Variants in GNS observed in about 807,000 individuals in gnomAD.
GNS encodes N-acetylglucosamine-6-sulfatase.
A neutral mutation model predicts 69.7 loss-of-function variants in GNS; 40 were observed. The ratio of observed to expected loss-of-function variants is 0.57; its 90% CI spans 0.45 to 0.75. The LOEUF (loss-of-function observed/expected upper bound fraction) is 0.75, where lower values mean the gene tolerates loss of function less well. GNS is among the 30% of genes least tolerant of loss of function. The pLI is 0.00. For synonymous variants in GNS, 243 were observed against 251.6 expected (o/e 0.97, Z 0.32); for missense variants, 565 against 685.5 (o/e 0.82, Z 1.96).
intron 2 of GNS, among the ~76,000 whole-genome samples, chr12:64,751,231 T>G (rs1870068032): frequency 1.3e-5 from 2 of 152,256 alleles, no homozygotes; most frequent in South Asian, 4.1e-4. Context: ...TGAGATATTT[T>G]GTCTCCCGCC....
At chr12:64,731,027 G>T (rs1230662050) in intron 9 of GNS, among the ~76,000 whole-genome samples, 1 of 152,218 alleles carries the variant, frequency 6.6e-6, no homozygotes, top group East Asian at 1.9e-4. Context: ...GCCACCACCT[G>T]TATAATGGGA....
intron 8 of GNS, 84 bp from the exon 9 acceptor site, chr12:64,737,191 A>C (rs1190299186): frequency 2.5e-6 from 2 of 803,916 alleles, no homozygotes; most frequent in Admixed American, 1.8e-5. Flanking sequence ...ATCCACAGCC[A>C]AAACTAAAAC....
intron 9 of GNS, among the ~76,000 whole-genome samples, chr12:64,730,907 G>GT (rs1217319419): frequency 6.6e-6 from 1 of 152,190 alleles, no homozygotes; most frequent in Non-Finnish European, 1.5e-5. Context: ...GGTGAAGCCA[G>GT]TTCCTCAGAT....
chr12:64,740,816 T>A, intron 6 of GNS, 128 bp from the exon 7 acceptor site: 1 of 674,778 alleles, frequency 1.5e-6, no homozygotes, highest in East Asian at 2.7e-5. Context: ...TAACTGGAAC[T>A]TGTTTAAGCA....
At chr12:64,756,917 G>A (rs555169665) in intron 1 of GNS, among the ~76,000 whole-genome samples, 2 of 152,178 alleles carry the variant, frequency 1.3e-5, no homozygotes, top group African/African-American at 2.4e-5. Flanking sequence ...CACTTTGGGA[G>A]GCTGAGGTCC....
Position 64,736,984 on chromosome 12 carries a change from C to G in GNS, c.1098+20G>C. 1.6e-6 allele frequency: 2 copies of G among 1,232,830 alleles called. No individual in the cohort carries two copies. Among genetic ancestry groups the G allele is most frequent in the East Asian group, 4.6e-5 (2 of 43,162 alleles). The allele number at this position is 1,232,830 out of a possible 1,614,324, so 76.4% of individuals were successfully genotyped here. On this transcript the variant is annotated intron_variant, in intron 9 of 13. Coordinates refer to ENST00000258145, the MANE Select transcript of GNS (RefSeq NM_002076.4). ...GGCAAGTGCCTACCTGTCCACAGCA[C>G]CAGCTTGTCAGGCACCTACCTTGCT...
At chr12:64,748,500 C>T (rs971315339) in intron 2 of GNS, among the ~76,000 whole-genome samples, 3 of 151,786 alleles carry the variant, frequency 2.0e-5, no homozygotes, top group Non-Finnish European at 4.4e-5. Context: ...TGAGCCACTG[C>T]ACCCAGCCAG....
chr12:64,727,906 T>C (rs1869259361), intron 10 of GNS, among the ~76,000 whole-genome samples: 1 of 152,144 alleles, frequency 6.6e-6, no homozygotes, highest in Non-Finnish European at 1.5e-5. Flanking sequence ...ACTATTGAAT[T>C]GGACACTTAA....
chr12:64,742,406 T>C lies in GNS; in HGVS notation c.792+735A>G, dbSNP rs185842850. Among the ~76,000 whole-genome samples, 10 of 152,364 alleles carry C rather than the reference T, an allele frequency of 6.6e-5. No homozygotes were observed. In the East Asian group the frequency reaches 1.7e-3, roughly 26 times the overall value. ...TATAATGTGCCAGACAATATGCTAA[T>C]TGTTTCTATGTACTTGAATTCATAC... On this transcript the variant is annotated intron_variant, in intron 6 of 13. Transcript: ENST00000258145.
chr12:64,755,782 G>A (rs1199324068), intron 1 of GNS, among the ~76,000 whole-genome samples: 3 of 148,886 alleles, frequency 2.0e-5, no homozygotes, highest in Non-Finnish European at 4.4e-5. Context: ...GGGTTCAAGT[G>A]ATTCTCCCAC....
chr12:64,733,297 CAAAA>C (rs961321163), intron 9 of GNS, among the ~76,000 whole-genome samples: 498 of 26,554 alleles, frequency 0.019, 1 homozygote, highest in African/African-American at 0.053. Context: ...GACCCTGTCT[CAAAA>C]AAAAAAAAAA....
At chr12:64,747,981 T>C in intron 2 of GNS, 63 bp from the exon 3 acceptor site, 2 of 883,190 alleles carry the variant, frequency 2.3e-6, no homozygotes, top group Non-Finnish European at 3.9e-6. Flanking sequence ...CTCATCATTG[T>C]TAAAGAGAGT....
rs575798915 is a variant in GNS, at chr12:64,722,817, C to G, written c.1308+189G>C. 5 of 601,114 alleles carry G rather than the reference C, an allele frequency of 8.3e-6. No individual in the cohort carries two copies. In the Admixed American group the frequency reaches 1.0e-4, roughly 12 times the overall value. The allele number at this position is 601,114 out of a possible 1,614,324, so 37.2% of individuals were successfully genotyped here. A position where few individuals can be genotyped will look rare whatever the true frequency, so the allele number is the denominator to read the frequency against. On this transcript the variant is annotated intron_variant, in intron 11 of 13. Coordinates refer to ENST00000258145, the MANE Select transcript of GNS (RefSeq NM_002076.4). ...AATTGGAAGATTAACAGTGCACATT[C>G]TGATGACAGGTCAGCAGCATCATTT...
chr12:64,733,765 A>G (rs1383626844), intron 9 of GNS, among the ~76,000 whole-genome samples: 1 of 152,248 alleles, frequency 6.6e-6, no homozygotes, highest in Non-Finnish European at 1.5e-5. Flanking sequence ...CTCCCAGTTC[A>G]GTTCTATTTC....
chr12:64,757,420 T>C (rs1040853137), intron 1 of GNS, among the ~76,000 whole-genome samples: 2 of 152,072 alleles, frequency 1.3e-5, no homozygotes, highest in Non-Finnish European at 2.9e-5. Context: ...ACACATTTTC[T>C]TTTTTTTAAT....
chr12:64,719,295 G>A (rs954952785), intron 13 of GNS, among the ~76,000 whole-genome samples: 1 of 152,144 alleles, frequency 6.6e-6, no homozygotes. Flanking sequence ...CTCTCTTACA[G>A]TCTGAAGGTA....
intron 8 of GNS, 82 bp downstream of exon 8, chr12:64,739,299 G>C (rs1869653213): frequency 1.2e-6 from 1 of 830,586 alleles, no homozygotes; most frequent in East Asian, 2.4e-5. Context: ...AAAAAGACTA[G>C]AACTCCCTCC....
intron 13 of GNS, 25 bp from the exon 14 acceptor site, chr12:64,716,844 C>G: frequency 4.4e-6 from 6 of 1,377,746 alleles, no homozygotes; most frequent in Non-Finnish European, 6.2e-6. Flanking sequence ...CCAAATGTAA[C>G]ATTAGCTCTC....
chr12:64,719,186 ATTCAT>A, intron 13 of GNS, among the ~76,000 whole-genome samples: 2 of 152,316 alleles, frequency 1.3e-5, no homozygotes, highest in Non-Finnish European at 2.9e-5. Context: ...ACTCATTCAC[ATTCAT>A]TTGTCTCTAA....
Sources: allele counts gnomAD v4.1 joint callset (sites outside exome capture counted in the v4.1 genomes callset), GRCh38; gene constraint gnomAD v4.1.1; transcripts MANE v1.5; gene names NCBI Gene and HGNC (gene_info 2026-07-23, HGNC 2026-07-21).